The following FHIT variants were observed in gnomAD, a reference collection of about 807,000 sequenced individuals.
FHIT encodes bis(5'-adenosyl)-triphosphatase.
Under a neutral mutation model 17.9 loss-of-function variants are expected in FHIT, and 19 were observed. That is an observed-to-expected ratio of 1.06 (90% CI 0.74 to 1.56). FHIT has a LOEUF of 1.56. FHIT is among the 40% of genes most tolerant of loss of function. FHIT has a pLI of 0.00. For synonymous variants in FHIT, 81 were observed against 69.7 expected (o/e 1.16, Z -0.81); for missense variants, 248 against 189.2 (o/e 1.31, Z -1.82).
rs148334391 is a variant in FHIT, at chr3:60,847,628, C to A, written c.-110-25617G>T. On this transcript the variant is annotated intron_variant, in intron 3 of 9. Transcript: ENST00000492590. ...TATCTTGGAAAATACACCCACAAGC[C>A]CCTTTTACTGCCACTTACAGTAGGA... Among the ~76,000 whole-genome samples the A allele has an allele frequency of 5.8e-4, 89 of 152,230 alleles. 1 individual carries two copies. Among genetic ancestry groups the A allele is most frequent in the African/African-American group, 2.1e-3 (86 of 41,536 alleles).
At chr3:60,681,114 G>C (rs971834404) in intron 4 of FHIT, among the ~76,000 whole-genome samples, 1 of 152,138 alleles carries the variant, frequency 6.6e-6, no homozygotes, top group South Asian at 2.1e-4. Context: ...TTGAAGGTTT[G>C]TGGCAACTTT....
intron 4 of FHIT, among the ~76,000 whole-genome samples, chr3:60,821,599 G>A (rs911640301): frequency 1.3e-5 from 2 of 152,070 alleles, no homozygotes; most frequent in Non-Finnish European, 2.9e-5. Context: ...GCTGGGGGGA[G>A]GATAATATAA....
At chr3:60,319,159 G>T (rs188241488) in intron 5 of FHIT, among the ~76,000 whole-genome samples, 13 of 152,128 alleles carry the variant, frequency 8.5e-5, no homozygotes, top group African/African-American at 2.9e-4. Flanking sequence ...ACATTCACAG[G>T]TACCAGGAAT....
chr3:60,565,318 G>A (rs2037094284), intron 4 of FHIT, among the ~76,000 whole-genome samples: 1 of 152,032 alleles, frequency 6.6e-6, no homozygotes, highest in South Asian at 2.1e-4. Context: ...ACCCCTACGA[G>A]GCATGGAGGT....
intron 5 of FHIT, among the ~76,000 whole-genome samples, chr3:60,029,878 A>ATT: frequency 2.1e-5 from 1 of 47,592 alleles, no homozygotes; most frequent in South Asian, 9.1e-4. Context: ...TCATAGAAGC[A>ATT]TTGTGTGTGT....
At chr3:59,913,999 A>T (rs1414195088) in intron 8 of FHIT, among the ~76,000 whole-genome samples, 4 of 152,216 alleles carry the variant, frequency 2.6e-5, no homozygotes, top group Non-Finnish European at 5.9e-5. Flanking sequence ...AAGCTGAAGC[A>T]GTTTGAAAGC....
At chr3:61,155,142 GA>G (rs2037499244) in intron 2 of FHIT, among the ~76,000 whole-genome samples, 1 of 152,168 alleles carries the variant, frequency 6.6e-6, no homozygotes. Flanking sequence ...GGCTGCTAAT[GA>G]AACTTGGAGC....
chr3:60,143,729 C>CAT (rs1700127633), intron 5 of FHIT, among the ~76,000 whole-genome samples: 1 of 93,916 alleles, frequency 1.1e-5, no homozygotes, highest in South Asian at 3.9e-4. Context: ...AACCTATCTT[C>CAT]ATAACTTTGA....
At chr3:61,048,519 C>A (rs2033901140) in intron 2 of FHIT, among the ~76,000 whole-genome samples, 1 of 152,190 alleles carries the variant, frequency 6.6e-6, no homozygotes, top group Admixed American at 6.5e-5. Flanking sequence ...AACACTTTTA[C>A]ACTGCTGGTG....
At chr3:60,197,409 A>C (rs1251458801) in intron 5 of FHIT, among the ~76,000 whole-genome samples, 1 of 152,248 alleles carries the variant, frequency 6.6e-6, no homozygotes, top group Non-Finnish European at 1.5e-5. Context: ...TGCTTCTGTA[A>C]TATGGCAACT....
At chr3:61,149,883 T>TA (rs375106161) in intron 2 of FHIT, among the ~76,000 whole-genome samples, 2 of 151,874 alleles carry the variant, frequency 1.3e-5, no homozygotes, top group African/African-American at 4.8e-5. Context: ...AATGTATATA[T>TA]AAAAAAATGC....
chr3:60,096,081 G>A (rs531992441), intron 5 of FHIT, among the ~76,000 whole-genome samples: 1 of 152,168 alleles, frequency 6.6e-6, no homozygotes, highest in Non-Finnish European at 1.5e-5. Flanking sequence ...GTGACACCCT[G>A]CCCAGGCCTC....
intron 5 of FHIT, among the ~76,000 whole-genome samples, chr3:60,371,478 C>A (rs1264982689): frequency 6.6e-6 from 1 of 152,204 alleles, no homozygotes; most frequent in South Asian, 2.1e-4. Context: ...CTGCCTCTGC[C>A]TCCCAAGTAG....
intron 5 of FHIT, among the ~76,000 whole-genome samples, chr3:60,429,517 G>A (rs930660992): frequency 6.6e-6 from 1 of 151,954 alleles, no homozygotes; most frequent in African/African-American, 2.4e-5. Flanking sequence ...GTTCTAGATG[G>A]CCTTACCAGC....
chr3:60,082,637 G>T (rs1703338384), intron 5 of FHIT, among the ~76,000 whole-genome samples: 1 of 152,096 alleles, frequency 6.6e-6, no homozygotes, highest in Admixed American at 6.6e-5. Flanking sequence ...ACCAGCATCT[G>T]TGTCTTTTTG....
At chr3:61,120,668 A>T (rs966728166) in intron 2 of FHIT, among the ~76,000 whole-genome samples, 9 of 152,056 alleles carry the variant, frequency 5.9e-5, no homozygotes, top group Non-Finnish European at 1.0e-4. Flanking sequence ...AAAAATCCAA[A>T]AACCAGAATG....
At chr3:59,764,727 CTT>C (rs71089561) in intron 8 of FHIT, among the ~76,000 whole-genome samples, 2 of 151,160 alleles carry the variant, frequency 1.3e-5, no homozygotes, top group East Asian at 2.0e-4. Flanking sequence ...ATTTCAAATG[CTT>C]TTTTTTTTCT....
chr3:60,155,332 T>C (rs928745780), intron 5 of FHIT, among the ~76,000 whole-genome samples: 6 of 152,152 alleles, frequency 3.9e-5, no homozygotes, highest in African/African-American at 1.4e-4. Flanking sequence ...ACCAGCAGGT[T>C]CAAGCCAGCA....
chr3:60,604,824 G>A (rs1553670426), intron 4 of FHIT, among the ~76,000 whole-genome samples: 1 of 152,146 alleles, frequency 6.6e-6, no homozygotes, highest in African/African-American at 2.4e-5. Flanking sequence ...GAGAAAGCAA[G>A]TTCATTTAAT....
Sources: gnomAD v4.1 joint callset for allele counts (sites outside exome capture counted in the v4.1 genomes callset) on GRCh38, gnomAD v4.1.1 for gene constraint, MANE v1.5 for transcripts, NCBI Gene and HGNC (gene_info 2026-07-23, HGNC 2026-07-21) for gene names.